DOCK5: variants seen among roughly 807,000 people sequenced by gnomAD.
DOCK5 encodes the protein dedicator of cytokinesis 5, also known as dedicator of cytokinesis protein 5.
A neutral mutation model predicts 251.8 loss-of-function variants in DOCK5; 142 were observed. The observed-to-expected ratio is 0.56, with a 90% CI of 0.49 to 0.65. The LOEUF is 0.65. DOCK5 is among the 30% of genes least tolerant of loss of function. The pLI, the probability that DOCK5 is intolerant of heterozygous loss-of-function variation, is 0.00. For synonymous variants in DOCK5, 842 were observed against 835.5 expected, an observed-to-expected ratio of 1.01 and a Z score of -0.13; for missense variants, 2,111 against 2,312.3, an observed-to-expected ratio of 0.91 and a Z score of 1.79.
intron 7 of DOCK5, 94 bp downstream of exon 7, chr8:25,296,742 A>G (rs1804625389): frequency 6.7e-7 from 1 of 1,489,882 alleles, no homozygotes; most frequent in South Asian, 1.2e-5. Context: ...GAACAAAACT[A>G]CTTCTGTAGT....
chr8:25,346,028 T>G (rs1800360314), intron 26 of DOCK5, among the ~76,000 whole-genome samples: 1 of 152,170 alleles, frequency 6.6e-6, no homozygotes, highest in Non-Finnish European at 1.5e-5. Flanking sequence ...TTTTTTGTAT[T>G]TTTAGTAGAG....
At chr8:25,343,763 T>C (rs1380393083) in intron 25 of DOCK5, among the ~76,000 whole-genome samples, 2 of 152,168 alleles carry the variant, frequency 1.3e-5, no homozygotes, top group Non-Finnish European at 2.9e-5. Flanking sequence ...GGTGGAAGTC[T>C]TTACACCAGG....
Position 25,351,725 on chromosome 8 carries a change from C to A in DOCK5, c.2755-6C>A. The A allele has an allele frequency of 6.2e-7, 1 of 1,612,068 alleles. No individual in the cohort carries two copies. The highest frequency in any genetic ancestry group is 8.5e-7 in the Non-Finnish European group (1 of 1,178,788). On this transcript the variant is annotated splice_polypyrimidine_tract_variant and splice_region_variant and intron_variant, in intron 26 of 51. Coordinates refer to ENST00000276440, the MANE Select transcript of DOCK5 (RefSeq NM_024940.8). ...GGAATGGAGTCAAATCCTGTGTTCC[C>A]TGCAGGGTGCCACTGCGGTGCACAT...
rs139230506 is a variant in DOCK5 at position 25,268,971 on chromosome 8, C to T, written c.168+86C>T. On this transcript the variant is annotated intron_variant, in intron 3 of 51. Transcript: ENST00000276440. Reference sequence around the variant, plus strand: ...GCTATGTGACCCTCTCCTCTGCTCTCTGCTGTCTCTAGACCTAGTTTGCTT... The same window carrying T: ...GCTATGTGACCCTCTCCTCTGCTCTTTGCTGTCTCTAGACCTAGTTTGCTT... 6.4e-4 allele frequency: 761 copies of T among 1,190,498 alleles called. 5 individuals are homozygous for T. The African/African-American group carries it at 0.011, about 17-fold the overall frequency. The allele number at this position is 1,190,498 out of a possible 1,614,324, so 73.7% of individuals were successfully genotyped here.
chr8:25,320,791 C>T (rs543935285), intron 15 of DOCK5, among the ~76,000 whole-genome samples, 189 bp from the exon 16 acceptor site: 44 of 152,312 alleles, frequency 2.9e-4, no homozygotes, highest in African/African-American at 1.1e-3. Flanking sequence ...CTATGATAAA[C>T]AGCAAGATGA....
At chr8:25,410,239 C>G (rs747323900) in intron 51 of DOCK5, 37 bp downstream of exon 51, 1 of 1,572,852 alleles carries the variant, frequency 6.4e-7, no homozygotes, top group Admixed American at 1.7e-5. Context: ...GGCCAGGGAG[C>G]GCCACTCCTG....
rs540391021 is a variant in DOCK5 at position 25,377,680 on chromosome 8, A to G, written c.3936+256A>G. ...GGTTTAATAGTCTGCTAGAACAACCAATAGTACACAGTGAAGTGCTATATT... is the reference window on the plus strand; with the variant it reads ...GGTTTAATAGTCTGCTAGAACAACCGATAGTACACAGTGAAGTGCTATATT... On this transcript the variant is annotated intron_variant, in intron 38 of 51. Transcript: ENST00000276440. 5.9e-5 allele frequency among the ~76,000 whole-genome samples: 9 copies of G among 152,302 alleles called. No homozygotes were observed. The South Asian group carries it at 1.9e-3, about 32-fold the overall frequency.
intron 5 of DOCK5, among the ~76,000 whole-genome samples, chr8:25,288,979 G>A (rs1407358575): frequency 2.0e-5 from 3 of 152,128 alleles, no homozygotes; most frequent in Non-Finnish European, 2.9e-5. Context: ...TAAGATCAGT[G>A]GTGTTAACAG....
intron 26 of DOCK5, among the ~76,000 whole-genome samples, chr8:25,350,773 C>T (rs1007613858): frequency 6.6e-6 from 1 of 152,176 alleles, no homozygotes; most frequent in Non-Finnish European, 1.5e-5. Flanking sequence ...CTGTGATACT[C>T]ATTTACTAAG....
intron 6 of DOCK5, among the ~76,000 whole-genome samples, chr8:25,295,834 G>T (rs1216743694): frequency 6.7e-6 from 1 of 149,156 alleles, no homozygotes; most frequent in African/African-American, 2.6e-5. Flanking sequence ...TTTATTTATT[G>T]TTTCAGACAG....
intron 43 of DOCK5, 139 bp downstream of exon 43, chr8:25,392,119 C>T (rs1227115894): frequency 1.7e-5 from 13 of 761,216 alleles, no homozygotes; most frequent in South Asian, 1.1e-4. Flanking sequence ...CTGGCTAATA[C>T]GGTGAAACCC....
chr8:25,279,545 C>T (rs1158434370), intron 5 of DOCK5, among the ~76,000 whole-genome samples: 1 of 151,930 alleles, frequency 6.6e-6, no homozygotes, highest in Non-Finnish European at 1.5e-5. Flanking sequence ...CGGCTCACTG[C>T]AAGCTCCGCC....
intron 45 of DOCK5, among the ~76,000 whole-genome samples, chr8:25,399,048 G>A (rs1345821127): frequency 3.9e-5 from 6 of 152,160 alleles, no homozygotes; most frequent in African/African-American, 7.2e-5. Context: ...GCAGAAGACC[G>A]AAGGGGAATC....
chr8:25,404,005 A>G (rs1335640763), intron 48 of DOCK5, among the ~76,000 whole-genome samples: 2 of 152,114 alleles, frequency 1.3e-5, no homozygotes, highest in Non-Finnish European at 2.9e-5. Flanking sequence ...CATCTATTTT[A>G]TGAATAGGTT....
At chr8:25,385,233 G>T (rs139098682) in intron 40 of DOCK5, among the ~76,000 whole-genome samples, 5 of 152,296 alleles carry the variant, frequency 3.3e-5, no homozygotes, top group Admixed American at 6.5e-5. Context: ...GACTTTTCGT[G>T]TTGGAAAGGT....
chr8:25,298,493 T>A (rs1804674501), intron 7 of DOCK5, among the ~76,000 whole-genome samples: 1 of 152,234 alleles, frequency 6.6e-6, no homozygotes, highest in African/African-American at 2.4e-5. Flanking sequence ...ACTGAAAATA[T>A]AATGATTATA....
At chr8:25,204,765 A>T (rs543244513) in intron 1 of DOCK5, among the ~76,000 whole-genome samples, 1 of 152,284 alleles carries the variant, frequency 6.6e-6, no homozygotes, top group South Asian at 2.1e-4. Context: ...GGAAGAACTA[A>T]TTTTCTCTCC....
chr8:25,249,034 T>C (rs1239500738), intron 2 of DOCK5, among the ~76,000 whole-genome samples: 1 of 152,222 alleles, frequency 6.6e-6, no homozygotes. Context: ...AGGGTCTTGC[T>C]GTCCCCCAGG....
intron 1 of DOCK5, among the ~76,000 whole-genome samples, chr8:25,207,500 C>T (rs1046896450): frequency 6.6e-6 from 1 of 152,172 alleles, no homozygotes; most frequent in African/African-American, 2.4e-5. Context: ...AAATTGAAAC[C>T]AGTGCTCTTT....
Sources: gnomAD v4.1 joint callset for allele counts (sites outside exome capture counted in the v4.1 genomes callset) on GRCh38, gnomAD v4.1.1 for gene constraint, MANE v1.5 for transcripts, NCBI Gene and HGNC (gene_info 2026-07-23, HGNC 2026-07-21) for gene names.